Variants in CHRNB1 observed in about 807,000 individuals in gnomAD.
The protein encoded by CHRNB1 is acetylcholine receptor subunit beta.
Under a neutral mutation model 53.8 loss-of-function variants are expected in CHRNB1, and 47 were observed. That is an observed-to-expected ratio of 0.87 (90% CI 0.69 to 1.11). The LOEUF (loss-of-function observed/expected upper bound fraction) is 1.11. CHRNB1 is among the 50% of genes most tolerant of loss of function. The pLI is 0.00. For missense variants in CHRNB1, 605 were observed against 654.9 expected (o/e 0.92, Z 0.83); for synonymous variants, 259 against 263.5 (o/e 0.98, Z 0.16).
At chr17:7,452,723 C>T (rs1908934086) in intron 7 of CHRNB1, among the ~76,000 whole-genome samples, 1 of 152,174 alleles carries the variant, frequency 6.6e-6, no homozygotes, top group Admixed American at 6.5e-5. Flanking sequence ...AATCTGCATG[C>T]AATTAAACGT....
At position 7,448,895 on chromosome 17, in the gene CHRNB1, G is replaced by A. The variant is rs184790408; in HGVS notation, c.820+107G>A. The A allele has an allele frequency of 6.9e-4, 855 of 1,234,876 alleles. 11 individuals carry two copies. The African/African-American group carries it at 0.011, about 15-fold the overall frequency. The allele number at this position is 1,234,876 out of a possible 1,614,324, so 76.5% of individuals were successfully genotyped here. On this transcript the variant is annotated intron_variant, in intron 7 of 10. Coordinates refer to ENST00000306071, the MANE Select transcript of CHRNB1 (RefSeq NM_000747.3). ...TGCCAATCCAAAGCATCATAGATTG[G>A]GCTTCAGCAATCCCGCCCAGGCTCT... is the stretch of plus-strand genomic sequence containing the variant.
rs1597747593 is a variant in CHRNB1, at chr17:7,445,563, C to A, written c.198+154C>A. 6.7e-7 allele frequency: 1 copy of A among 1,498,928 alleles called. No individual in the cohort carries two copies. The highest frequency in any genetic ancestry group is 2.0e-5 in the Admixed American group (1 of 48,912). The allele number at this position is 1,498,928 out of a possible 1,614,324, so 92.9% of individuals were successfully genotyped here. ...TGGTGAAGATTGGATCGAAATCAGA[C>A]CAATGGACAAGCTCTGGCCGTGGGT... On this transcript the variant is annotated intron_variant, in intron 2 of 10. Transcript: ENST00000306071. The surrounding 1 kb of genome is among the most constrained non-coding windows in gnomAD (Gnocchi z 5.7).
At chr17:7,451,274 C>CTTTTTTTTTTT (rs34769424) in intron 7 of CHRNB1, among the ~76,000 whole-genome samples, 133 of 92,008 alleles carry the variant, frequency 1.4e-3, no homozygotes, top group Non-Finnish European at 1.6e-3. Context: ...CTTTTCTTTT[C>CTTTTTTTTTTT]TTTTTTTTTT....
In CHRNB1 at chr17:7,445,124, G is replaced by A. The variant is rs1232896636; in HGVS notation, c.-4G>A. 1 of 1,607,864 alleles carries A rather than the reference G, an allele frequency of 6.2e-7. No individual in the cohort carries two copies. The highest frequency in any genetic ancestry group is 1.3e-5 in the African/African-American group (1 of 74,974). Reference sequence around the variant, plus strand: ...AGCGAAGTCACTGAGCGAGCCGCCAGGCTATGACCCCAGGGGCTCTGCTGA... The same window carrying A: ...AGCGAAGTCACTGAGCGAGCCGCCAAGCTATGACCCCAGGGGCTCTGCTGA... On this transcript the variant is annotated 5_prime_UTR_variant, in exon 1 of 11. Coordinates refer to ENST00000306071, the MANE Select transcript of CHRNB1 (RefSeq NM_000747.3). The surrounding 1 kb of genome is among the most constrained non-coding windows in gnomAD (Gnocchi z 5.7).
chr17:7,448,910 GC>G, intron 7 of CHRNB1, 122 bp downstream of exon 7: 1 of 1,047,810 alleles, frequency 9.5e-7, no homozygotes, highest in Non-Finnish European at 1.4e-6. Flanking sequence ...CAGCAATCCC[GC>G]CCAGGCTCTG....
chr17:7,448,945 C>T (rs1268714200), intron 7 of CHRNB1, among the ~76,000 whole-genome samples, 157 bp downstream of exon 7: 3 of 152,076 alleles, frequency 2.0e-5, no homozygotes, highest in Admixed American at 1.3e-4. Flanking sequence ...GCCACCTTTC[C>T]TCCGCTCAGT....
rs776235550 is a variant in CHRNB1 at position 7,445,356 on chromosome 17, G to C, written c.145G>C (p.Gly49Arg). The C allele has an allele frequency of 9.3e-6, 15 of 1,613,002 alleles. No individual in the cohort carries two copies. Among genetic ancestry groups the C allele is most frequent in the Non-Finnish European group, 8.5e-7 (1 of 1,179,810 alleles). ...DSSVRPAREV[G>R]DRVRVSVGLI... ...CTCCGTGCGGCCAGCGCGGGAGGTG[G>C]GAGACCGTGTCAGGGTCAGCGTTGG... Residue 49 changes from glycine (G) to arginine (R), a missense_variant, in exon 2 of 11, where the codon GGA becomes CGA. Coordinates refer to ENST00000306071, the MANE Select transcript of CHRNB1 (RefSeq NM_000747.3). This position sits in a 1 kb window ranked among gnomAD's most constrained non-coding sequence, Gnocchi z 5.7.
intron 3 of CHRNB1, 85 bp from the exon 4 acceptor site, chr17:7,446,748 C>T: frequency 9.4e-7 from 1 of 1,064,882 alleles, no homozygotes; most frequent in Non-Finnish European, 1.4e-6. Context: ...CCCTTCCTTG[C>T]ACTCCCTTCC....
chr17:7,451,125 A>T (rs911512136), intron 7 of CHRNB1, among the ~76,000 whole-genome samples: 2 of 152,160 alleles, frequency 1.3e-5, no homozygotes, highest in African/African-American at 4.8e-5. Context: ...CTCTAGACCC[A>T]GGAAGGCCCA....
intron 3 of CHRNB1, 70 bp from the exon 4 acceptor site, chr17:7,446,763 C>A: frequency 1.6e-6 from 2 of 1,258,576 alleles, no homozygotes; most frequent in Non-Finnish European, 2.3e-6. Flanking sequence ...CCTTCCTGGG[C>A]TTCCTTTGGA....
Position 7,446,333 on chromosome 17 carries a change from G to GTC in CHRNB1, c.243+221_243+222insCT, listed in dbSNP as rs530951665. On this transcript the variant is annotated intron_variant, in intron 3 of 10. Coordinates refer to ENST00000306071, the MANE Select transcript of CHRNB1 (RefSeq NM_000747.3). Reference sequence around the variant, plus strand: ...TGTGTGTGTGTGTGTGTGTCTGTGTGTGTGTGTGTGTGTGTGTGTGTGTGT... The same window carrying GTC: ...TGTGTGTGTGTGTGTGTGTCTGTGTGTCTGTGTGTGTGTGTGTGTGTGTGTGT... 0.1 allele frequency: 24,688 copies of GTC among 240,816 alleles called. 573 individuals carry two copies. The highest frequency in any genetic ancestry group is 0.14 in the Middle Eastern group (105 of 740). The allele number at this position is 240,816 out of a possible 1,614,324, so 14.9% of individuals were successfully genotyped here. A position where few individuals can be genotyped will look rare whatever the true frequency, so the allele number is the denominator to read the frequency against.
At chr17:7,452,045 TCTTTC>T (rs1307266789) in intron 7 of CHRNB1, among the ~76,000 whole-genome samples, 1 of 147,460 alleles carries the variant, frequency 6.8e-6, no homozygotes, top group Non-Finnish European at 1.5e-5. Flanking sequence ...TCTATTTCTT[TCTTTC>T]CTTTTTCTTT....
At chr17:7,456,413 G>A (rs2069951268) in intron 10 of CHRNB1, among the ~76,000 whole-genome samples, 170 bp from the exon 11 acceptor site, 1 of 152,020 alleles carries the variant, frequency 6.6e-6, no homozygotes, top group African/African-American at 2.4e-5. Flanking sequence ...CTTACCTACT[G>A]GTTCTTTATG....
Position 7,455,336 on chromosome 17 carries a change from A to G in CHRNB1, c.1097A>G (p.Glu366Gly). The G allele has an allele frequency of 6.2e-7, 1 of 1,614,156 alleles. No individual in the cohort carries two copies. The highest frequency in any genetic ancestry group is 8.5e-7 in the Non-Finnish European group (1 of 1,180,030). Residue 366 changes from glutamate (E) to glycine (G), a missense_variant, in exon 9 of 11, where the codon GAG becomes GGG. Physicochemically the swap from Glu to Gly is moderately conservative, Grantham distance 98. Coordinates refer to ENST00000306071, the MANE Select transcript of CHRNB1 (RefSeq NM_000747.3). ...LYLRLKRPKP[E>G]RDLMPEPPHC... ...CTGCGTCTAAAAAGGCCCAAACCCG[A>G]GAGAGACCTGATGCCGGAGCCCCCT...
At chr17:7,448,927 C>G (rs548846535) in intron 7 of CHRNB1, 139 bp downstream of exon 7, 58 of 846,736 alleles carry the variant, frequency 6.8e-5, no homozygotes, top group Non-Finnish European at 1.0e-4. Context: ...CTCTGCCTCC[C>G]GTTGACTGCC....
intron 7 of CHRNB1, among the ~76,000 whole-genome samples, chr17:7,450,294 C>A (rs1908840784): frequency 6.6e-6 from 1 of 151,890 alleles, no homozygotes; most frequent in Non-Finnish European, 1.5e-5. Flanking sequence ...CAGGTGCCCA[C>A]CACCATGCCT....
At chr17:7,455,530 C>G (rs955666458) in intron 9 of CHRNB1, 74 bp downstream of exon 9, 1 of 1,570,564 alleles carries the variant, frequency 6.4e-7, no homozygotes, top group African/African-American at 1.4e-5. Context: ...GCGGAAGAAG[C>G]GGCCCATGCT....
chr17:7,454,560 A>AC, intron 8 of CHRNB1, 40 bp downstream of exon 8: 1 of 1,528,334 alleles, frequency 6.5e-7, no homozygotes, highest in Non-Finnish European at 9.1e-7. Context: ...TTTTCCTTTT[A>AC]CAGACCATAG....
chr17:7,451,385 T>C (rs1049349334), intron 7 of CHRNB1, among the ~76,000 whole-genome samples: 2 of 147,948 alleles, frequency 1.4e-5, no homozygotes, highest in Non-Finnish European at 3.0e-5. Flanking sequence ...CAAGCAATTC[T>C]CCTGCCTCAG....
Sources: gnomAD v4.1 joint callset for allele counts (sites outside exome capture counted in the v4.1 genomes callset) on GRCh38, gnomAD v4.1.1 for gene constraint, Gnocchi (gnomAD v3.1) non-coding constraint, MANE v1.5 for transcripts, NCBI Gene and HGNC (gene_info 2026-07-23, HGNC 2026-07-21) for gene names.